FOXP1: variants seen among roughly 807,000 people sequenced by gnomAD.
FOXP1 encodes forkhead box protein P1.
In FOXP1, 15 loss-of-function variants were observed where a neutral mutation model predicts 98.2. The ratio of observed to expected loss-of-function variants is 0.15; its 90% CI spans 0.10 to 0.24. The LOEUF (loss-of-function observed/expected upper bound fraction) is 0.24, where lower values mean the gene tolerates loss of function less well. Ranked by LOEUF, FOXP1 falls within the 10% of genes least tolerant of loss-of-function variation. The probability of loss-of-function intolerance (pLI) is 1.00; values close to 1 mark genes in which losing one functional copy is unlikely to be tolerated. For synonymous variants in FOXP1, 371 were observed against 314.5 expected (o/e 1.18, Z -1.90); for missense variants, 633 against 848.5 (o/e 0.75, Z 3.15).
chr3:71,018,406 T>G (rs900452275), intron 11 of FOXP1, among the ~76,000 whole-genome samples: 12 of 152,154 alleles, frequency 7.9e-5, no homozygotes, highest in Non-Finnish European at 1.5e-4. Flanking sequence ...TTAAAAAAAT[T>G]TCTTTATTAT....
Position 70,965,964 on chromosome 3 carries a change from C to T in FOXP1, c.1815G>A (p.Glu605=). The change falls in exon 20 of 21, where the codon GAG becomes GAA. Residue 605 remains glutamate (E), a synonymous_variant. Coordinates refer to ENST00000649528, the MANE Select transcript of FOXP1 (RefSeq NM_001349338.3). The part of the protein sequence containing the change: ...LGNLASAIRE[E]LNGAMEHTNS... ...TGGTATGCTCCATTGCCCCGTTCAG[C>T]TCTTCCCGTATTGCGCTGGCTAAGT... 2 of 1,614,150 alleles carry T rather than the reference C, an allele frequency of 1.2e-6. No individual in the cohort carries two copies. Among genetic ancestry groups the T allele is most frequent in the Non-Finnish European group, 1.7e-6 (2 of 1,180,018 alleles).
At chr3:71,194,419 T>C (rs1459661423) in intron 6 of FOXP1, among the ~76,000 whole-genome samples, 1 of 152,208 alleles carries the variant, frequency 6.6e-6, no homozygotes, top group Non-Finnish European at 1.5e-5. Context: ...GCATATGCTG[T>C]ATATGGAGAA....
At chr3:71,084,969 AAATC>A (rs975280703) in intron 7 of FOXP1, among the ~76,000 whole-genome samples, 3 of 151,806 alleles carry the variant, frequency 2.0e-5, no homozygotes, top group Non-Finnish European at 2.9e-5. Context: ...ATAAACAAAC[AAATC>A]AATCAATCAA....
chr3:71,383,727 C>A (rs831082), intron 3 of FOXP1, among the ~76,000 whole-genome samples: 1 of 151,892 alleles, frequency 6.6e-6, no homozygotes, highest in East Asian at 1.9e-4. Context: ...CATGGAAGAC[C>A]AGGCCCCCTT....
chr3:71,119,319 T>C (rs2107802694), intron 6 of FOXP1, among the ~76,000 whole-genome samples: 1 of 152,270 alleles, frequency 6.6e-6, no homozygotes, highest in Non-Finnish European at 1.5e-5. Context: ...AGTCGAGAGT[T>C]GGTTATTTCC....
intron 6 of FOXP1, among the ~76,000 whole-genome samples, chr3:71,146,852 G>A (rs1231142412): frequency 1.3e-5 from 2 of 152,192 alleles, no homozygotes; most frequent in Non-Finnish European, 2.9e-5. Flanking sequence ...ACTCCTCCTA[G>A]TCCCCAGGGG....
chr3:71,498,519 C>A (rs1051937269), intron 2 of FOXP1, among the ~76,000 whole-genome samples: 2 of 152,200 alleles, frequency 1.3e-5, no homozygotes, highest in African/African-American at 4.8e-5. Flanking sequence ...GAATGAACTG[C>A]ACTGGGTATT....
At chr3:71,561,276 G>A (rs1378939577) in intron 2 of FOXP1, among the ~76,000 whole-genome samples, 6 of 151,892 alleles carry the variant, frequency 4.0e-5, no homozygotes, top group African/African-American at 9.7e-5. Context: ...GGCTGGTCTC[G>A]AACTCCTGAC....
At position 71,181,525 on chromosome 3, in the gene FOXP1, A is replaced by G. The variant is rs191437865; in HGVS notation, c.180+16677T>C. On this transcript the variant is annotated intron_variant, in intron 6 of 20. Transcript: ENST00000649528. ...GTAGGCGCTGGTGGGTGGGTTTTCA[A>G]CTCTCATCAGTGGCATTCCAAAATG... 3.3e-5 allele frequency among the ~76,000 whole-genome samples: 5 copies of G among 151,532 alleles called. No individual in the cohort carries two copies. In the East Asian group the frequency reaches 9.8e-4, roughly 30 times the overall value.
At position 70,955,836 on chromosome 3, in the gene FOXP1, A is replaced by ACACACACACG. The variant is rs1559547157; in HGVS notation, c.*3410_*3411insCGTGTGTGTG. ...GATTAACACACACGCACGCGCGCAC[A>ACACACACACG]CACACACACACACACACACAAAACC... is the stretch of plus-strand genomic sequence containing the variant. On this transcript the variant is annotated 3_prime_UTR_variant, in exon 21 of 21. Transcript: ENST00000649528. The ACACACACACG allele has an allele frequency of 4.1e-5, 9 of 222,030 alleles. No individual in the cohort carries two copies. The East Asian group carries it at 5.7e-4, about 14-fold the overall frequency. The allele number at this position is 222,030 out of a possible 1,614,324, so 13.8% of individuals were successfully genotyped here. A position where few individuals can be genotyped will look rare whatever the true frequency, so the allele number is the denominator to read the frequency against.
intron 2 of FOXP1, among the ~76,000 whole-genome samples, chr3:71,554,087 C>T (rs2045955626): frequency 1.3e-5 from 2 of 152,148 alleles, no homozygotes; most frequent in African/African-American, 4.8e-5. Flanking sequence ...GCGGCTCACA[C>T]CTATAATCCC....
chr3:71,297,286 T>A (rs2073398545), intron 5 of FOXP1, among the ~76,000 whole-genome samples: 1 of 152,176 alleles, frequency 6.6e-6, no homozygotes, highest in Non-Finnish European at 1.5e-5. Context: ...AGACTATTTT[T>A]CTCAGGCAAT....
intron 3 of FOXP1, among the ~76,000 whole-genome samples, chr3:71,463,519 C>T (rs1276259389): frequency 6.6e-6 from 1 of 152,132 alleles, no homozygotes; most frequent in African/African-American, 2.4e-5. Context: ...ATGCAACAGG[C>T]TCTCCCAATT....
chr3:71,040,233 T>G lies in FOXP1; in HGVS notation c.869+1095A>C, dbSNP rs769073398. ...TAAATACTCAATATTTTGAGAAATA[T>G]ATGAAATTACATTTGTAATTGCATA... is the stretch of plus-strand genomic sequence containing the variant. On this transcript the variant is annotated intron_variant, in intron 11 of 20. Transcript: ENST00000649528. The G allele has an allele frequency of 2.0e-5, 3 of 152,270 alleles. No homozygotes were observed. In the South Asian group the frequency reaches 6.2e-4, roughly 32 times the overall value. The allele number at this position is 152,270 out of a possible 1,614,324, so 9.4% of individuals were successfully genotyped here. A position where few individuals can be genotyped will look rare whatever the true frequency, so the allele number is the denominator to read the frequency against.
intron 7 of FOXP1, among the ~76,000 whole-genome samples, chr3:71,081,048 G>A (rs57644674): frequency 0.21 from 31,387 of 152,108 alleles, 4,285 homozygotes; most frequent in East Asian, 0.54. Flanking sequence ...AGTGGCAGAA[G>A]GAGGCAACCT....
intron 7 of FOXP1, among the ~76,000 whole-genome samples, chr3:71,081,257 C>G (rs1263833403): frequency 1.3e-5 from 2 of 152,112 alleles, no homozygotes; most frequent in African/African-American, 2.4e-5. Context: ...AGGTATCTCC[C>G]CAGTTCTTTC....
At chr3:71,051,037 G>A (rs1663663589) in intron 9 of FOXP1, among the ~76,000 whole-genome samples, 1 of 152,132 alleles carries the variant, frequency 6.6e-6, no homozygotes, top group African/African-American at 2.4e-5. Flanking sequence ...TGCAATCCCA[G>A]AGTCATTAAC....
intron 2 of FOXP1, among the ~76,000 whole-genome samples, chr3:71,575,151 C>CT (rs1215160420): frequency 6.6e-6 from 1 of 152,164 alleles, no homozygotes; most frequent in Non-Finnish European, 1.5e-5. Flanking sequence ...AACAACAGCT[C>CT]TGCTGTGATT....
intron 6 of FOXP1, among the ~76,000 whole-genome samples, chr3:71,194,819 C>T (rs1314882130): frequency 6.6e-6 from 1 of 152,148 alleles, no homozygotes; most frequent in Non-Finnish European, 1.5e-5. Flanking sequence ...AGTTTCATGG[C>T]TCAGACATAA....
Sources: gnomAD v4.1 joint callset for allele counts (sites outside exome capture counted in the v4.1 genomes callset) on GRCh38, gnomAD v4.1.1 for gene constraint, MANE v1.5 for transcripts, NCBI Gene and HGNC (gene_info 2026-07-23, HGNC 2026-07-21) for gene names.